The following NAT1 variants were observed in gnomAD, a reference collection of about 807,000 sequenced individuals.
The protein encoded by NAT1 is arylamine N-acetyltransferase 1.
For synonymous variants in NAT1, 144 were observed against 122.6 expected (o/e 1.17, Z -1.16); for missense variants, 400 against 339.2 (o/e 1.18, Z -1.41).
chr8:18,173,044 G>A (rs1460868801), intron 2 of NAT1, among the ~76,000 whole-genome samples: 1 of 152,020 alleles, frequency 6.6e-6, no homozygotes, highest in East Asian at 1.9e-4. Flanking sequence ...GTCTTCCATG[G>A]TGTTTTATTG....
In NAT1 at chr8:18,222,831, G is replaced by C. The variant is rs1007452700; in HGVS notation, c.784G>C (p.Glu262Gln). Residue 262 changes from glutamate (E) to glutamine (Q), a missense_variant, in exon 3 of 3, where the codon GAA (glutamate) becomes CAA (glutamine). Glu to Gln is a conservative substitution (Grantham distance 29). Coordinates refer to ENST00000307719, the MANE Select transcript of NAT1 (RefSeq NM_000662.8). ...AGAGTTCAAGACTCTGAGTGAGGAA[G>C]AAATAGAAAAAGTGCTGAAAAATAT... Reference protein sequence around the residue: ...LIEFKTLSEEEIEKVLKNIFN... With the variant: ...LIEFKTLSEEQIEKVLKNIFN... 8 of 1,604,024 alleles carry C rather than the reference G, an allele frequency of 5.0e-6. No homozygotes were observed. The Admixed American group carries it at 6.9e-5, about 14-fold the overall frequency.
intron 2 of NAT1, among the ~76,000 whole-genome samples, chr8:18,194,232 T>C (rs1803139905): frequency 6.6e-6 from 1 of 152,194 alleles, no homozygotes; most frequent in African/African-American, 2.4e-5. Context: ...TATTAACCAG[T>C]AGTGCACGGA....
intron 2 of NAT1, among the ~76,000 whole-genome samples, chr8:18,182,888 T>C (rs535287048): frequency 2.4e-4 from 37 of 152,314 alleles, no homozygotes; most frequent in Middle Eastern, 3.4e-3. Context: ...ACTTTAAAAA[T>C]GTCTCTAAAT....
chr8:18,175,072 T>C (rs1282150686), intron 2 of NAT1, among the ~76,000 whole-genome samples: 1 of 151,334 alleles, frequency 6.6e-6, no homozygotes, highest in African/African-American at 2.4e-5. Context: ...GTTTTAGTTT[T>C]CTAAAATATT....
At chr8:18,193,508 T>TATATATATATATCTATATATATATATA (rs1803104076) in intron 2 of NAT1, among the ~76,000 whole-genome samples, 2 of 90,936 alleles carry the variant, frequency 2.2e-5, no homozygotes, top group African/African-American at 8.0e-5. Context: ...ATATATATAA[T>TATATATATATATCTATATATATATATA]ATATATATAT....
At chr8:18,199,022 C>T (rs112393596) in intron 2 of NAT1, among the ~76,000 whole-genome samples, 8,889 of 151,448 alleles carry the variant, frequency 0.059, 857 homozygotes, top group African/African-American at 0.2. Flanking sequence ...TCCTTTAAGA[C>T]CTTTTTTTTG....
At chr8:18,216,823 G>T in intron 1 of NAT1, 1 of 1,073,306 alleles carries the variant, frequency 9.3e-7, no homozygotes. Context: ...ATAGGATGTG[G>T]CACAAAAATG....
intron 1 of NAT1, among the ~76,000 whole-genome samples, chr8:18,215,672 A>G (rs1355162572): frequency 6.6e-6 from 1 of 151,326 alleles, no homozygotes; most frequent in African/African-American, 2.4e-5. Context: ...GTTTTTTTGT[A>G]TATAACTTTT....
At chr8:18,215,434 T>C (rs986176203) in intron 1 of NAT1, among the ~76,000 whole-genome samples, 2 of 152,262 alleles carry the variant, frequency 1.3e-5, no homozygotes, top group African/African-American at 2.4e-5. Flanking sequence ...TACGATATTG[T>C]ATCTATATGG....
At chr8:18,173,675 T>C (rs1445210270) in intron 2 of NAT1, among the ~76,000 whole-genome samples, 2 of 152,154 alleles carry the variant, frequency 1.3e-5, no homozygotes. Context: ...TGTATAGTCT[T>C]GTTTCTTCAC....
rs145850542 is a variant in NAT1 at position 18,217,247 on chromosome 8, A to T, written c.-85-2164A>T. Among the ~76,000 whole-genome samples the T allele has an allele frequency of 3.3e-3, 504 of 152,312 alleles. 4 individuals are homozygous for T. The highest frequency in any genetic ancestry group is 0.012 in the African/African-American group (482 of 41,572). On this transcript the variant is annotated intron_variant, in intron 1 of 2. Transcript: ENST00000307719. The stretch of plus-strand genomic sequence containing the variant: ...GCCTGCCAGTCCCCGAAATCCTCTA[A>T]GTTGTTTCTTAGTGATGGGCATTGG...
intron 2 of NAT1, among the ~76,000 whole-genome samples, chr8:18,178,644 G>A (rs1378306478): frequency 2.0e-5 from 3 of 152,152 alleles, no homozygotes; most frequent in Admixed American, 6.6e-5. Flanking sequence ...TTAAGTCACA[G>A]ATGAATAGAA....
chr8:18,213,158 C>T (rs545436611), intron 1 of NAT1, among the ~76,000 whole-genome samples: 1 of 151,748 alleles, frequency 6.6e-6, no homozygotes, highest in South Asian at 2.1e-4. Context: ...GTGATCCACT[C>T]GCCTCGGCCT....
chr8:18,192,773 A>G (rs1259339669), intron 2 of NAT1, among the ~76,000 whole-genome samples: 1 of 151,398 alleles, frequency 6.6e-6, no homozygotes, highest in Non-Finnish European at 1.5e-5. Flanking sequence ...TCTCACCCAT[A>G]GATGGGAATT....
In NAT1 at chr8:18,210,142, C is replaced by T. The variant is rs952406467; in HGVS notation, c.-124C>T. 2 of 152,316 alleles carry T rather than the reference C, an allele frequency of 1.3e-5. No individual in the cohort carries two copies. The highest frequency in any genetic ancestry group is 2.1e-4 in the South Asian group (1 of 4,822). 9.4% of individuals were successfully genotyped at this position (152,316 alleles called of 1,614,324 possible). On this transcript the variant is annotated 5_prime_UTR_variant, in exon 1 of 3. Coordinates refer to ENST00000307719, the MANE Select transcript of NAT1 (RefSeq NM_000662.8). ...ATAGACCTTGGATGTGGGAGGATTG[C>T]ATTCAGTCTAGTTCCTGGTTGCCGG...
At chr8:18,176,747 TA>T (rs1589049905) in intron 2 of NAT1, among the ~76,000 whole-genome samples, 1 of 151,998 alleles carries the variant, frequency 6.6e-6, no homozygotes, top group Admixed American at 6.6e-5. Context: ...TCTATTTTTA[TA>T]AAAAAATAAC....
intron 2 of NAT1, among the ~76,000 whole-genome samples, chr8:18,174,506 G>T (rs146204652): frequency 3.5e-4 from 53 of 152,114 alleles, no homozygotes; most frequent in African/African-American, 1.2e-3. Flanking sequence ...TCAGAGGAAG[G>T]CACCACAGGT....
chr8:18,188,994 CA>C lies in NAT1; in HGVS notation n.92+18273del, dbSNP rs55636901. Among the ~76,000 whole-genome samples, 341 of 83,096 alleles carry C rather than the reference CA, an allele frequency of 4.1e-3. 2 individuals carry two copies. Among genetic ancestry groups the C allele is most frequent in the African/African-American group, 0.012 (297 of 25,578 alleles). 54.5% of individuals were successfully genotyped at this position (83,096 alleles called of 152,430 possible). A position where few individuals can be genotyped will look rare whatever the true frequency, so the allele number is the denominator to read the frequency against. On this transcript the variant is annotated intron_variant and non_coding_transcript_variant, in intron 2 of 4. Coordinates refer to the NAT1 transcript ENST00000517441. ...TGGGTGACAGAGAGAGACTCCGACT[CA>C]AAAAAAAAAAAAAAAAAGAAAGAAA...
At position 18,223,417 on chromosome 8, in the gene NAT1, T is replaced by G. The variant is rs1805552688; in HGVS notation, c.*497T>G. On this transcript the variant is annotated 3_prime_UTR_variant, in exon 3 of 3. Coordinates refer to ENST00000307719, the MANE Select transcript of NAT1 (RefSeq NM_000662.8). The stretch of plus-strand genomic sequence containing the variant: ...CATCTTTCTTGTCTCTTAAATTACT[T>G]TACTTCCTTGCACACTTTGCCATAC... 1 of 167,060 alleles carries G rather than the reference T, an allele frequency of 6.0e-6. No homozygotes were observed. Among genetic ancestry groups the G allele is most frequent in the African/African-American group, 2.4e-5 (1 of 41,448 alleles). 10.3% of individuals were successfully genotyped at this position (167,060 alleles called of 1,614,324 possible).
Sources: gnomAD v4.1 joint callset for allele counts (sites outside exome capture counted in the v4.1 genomes callset) on GRCh38, gnomAD v4.1.1 for gene constraint, MANE v1.5 for transcripts, NCBI Gene and HGNC (gene_info 2026-07-23, HGNC 2026-07-21) for gene names.